The following IL1RAPL2 variants were observed in gnomAD, a reference collection of about 807,000 sequenced individuals.
The protein encoded by IL1RAPL2 is interleukin 1 receptor accessory protein like 2, also known as X-linked interleukin-1 receptor accessory protein-like 2.
A neutral mutation model predicts 44.1 loss-of-function variants in IL1RAPL2; 3 were observed. That is an observed-to-expected ratio of 0.07 (90% CI 0.03 to 0.18). The LOEUF (loss-of-function observed/expected upper bound fraction) is 0.18. IL1RAPL2 is among the 10% of genes least tolerant of loss of function. The pLI, the probability that IL1RAPL2 is intolerant of heterozygous loss-of-function variation, is 1.00. For missense variants in IL1RAPL2, 391 were observed against 496.4 expected (o/e 0.79, Z 2.02); for synonymous variants, 181 against 178.8 (o/e 1.01, Z -0.10).
chrX:104,821,402 C>A (rs769985411), intron 2 of IL1RAPL2, among the ~76,000 whole-genome samples: 11 of 110,786 alleles, frequency 9.9e-5, no homozygotes, highest in African/African-American at 3.6e-4. Context: ...CCTTGCCCCC[C>A]ACCTGTTGAC....
intron 2 of IL1RAPL2, among the ~76,000 whole-genome samples, chrX:104,673,220 T>C (rs1390738176): frequency 2.7e-5 from 3 of 111,947 alleles, no homozygotes; most frequent in Admixed American, 9.5e-5. Flanking sequence ...CTAGGGTTTT[T>C]ATGGTTTTAG....
chrX:105,446,667 A>G (rs1474559857), intron 5 of IL1RAPL2, among the ~76,000 whole-genome samples: 4 of 111,070 alleles, frequency 3.6e-5, no homozygotes, highest in Non-Finnish European at 5.7e-5. Context: ...CAAAGAAACC[A>G]GCATGCAGGA....
At chrX:105,721,391 G>A (rs907237219) in intron 7 of IL1RAPL2, among the ~76,000 whole-genome samples, 3 of 106,513 alleles carry the variant, frequency 2.8e-5, no homozygotes, top group East Asian at 6.0e-4. Flanking sequence ...ACTATAGCCC[G>A]GGTGACAAGA....
chrX:105,282,653 A>T (rs1019585005), intron 5 of IL1RAPL2, among the ~76,000 whole-genome samples: 13 of 111,682 alleles, frequency 1.2e-4, no homozygotes, highest in Admixed American at 1.1e-3. Context: ...ATGAATTTAC[A>T]TATTTTGTGT....
intron 5 of IL1RAPL2, among the ~76,000 whole-genome samples, chrX:105,312,136 C>T (rs1186033491): frequency 9.0e-6 from 1 of 111,026 alleles, no homozygotes; most frequent in African/African-American, 3.3e-5. Flanking sequence ...GAGTGTGAAA[C>T]AAAAGCAGTA....
intron 2 of IL1RAPL2, among the ~76,000 whole-genome samples, chrX:104,992,424 T>G (rs950276245): frequency 9.0e-6 from 1 of 111,522 alleles, no homozygotes; most frequent in African/African-American, 3.3e-5. Context: ...ACTCCTTATC[T>G]CTTCAGAATT....
chrX:104,876,287 G>A (rs2147655159), intron 2 of IL1RAPL2, among the ~76,000 whole-genome samples: 1 of 111,616 alleles, frequency 9.0e-6, no homozygotes, highest in African/African-American at 3.2e-5. Context: ...CATGGACCAT[G>A]CTTTGAGAAT....
At chrX:104,895,582 G>C (rs1348438135) in intron 2 of IL1RAPL2, among the ~76,000 whole-genome samples, 1 of 112,818 alleles carries the variant, frequency 8.9e-6, no homozygotes, top group Non-Finnish European at 1.9e-5. Context: ...GACCCTCTGA[G>C]CCAGGCATGG....
At chrX:105,178,570 T>C (rs967291010) in intron 2 of IL1RAPL2, among the ~76,000 whole-genome samples, 1 of 112,004 alleles carries the variant, frequency 8.9e-6, no homozygotes, top group Non-Finnish European at 1.9e-5. Flanking sequence ...TAAATTGCCA[T>C]ACTGTTTTCC....
At chrX:105,619,154 A>G (rs1264019888) in intron 6 of IL1RAPL2, among the ~76,000 whole-genome samples, 1 of 110,803 alleles carries the variant, frequency 9.0e-6, no homozygotes, top group African/African-American at 3.3e-5. Flanking sequence ...AGTAAATTTT[A>G]AAGAGTTGTC....
chrX:104,573,710 T>A (rs1162729977), intron 1 of IL1RAPL2, among the ~76,000 whole-genome samples: 1 of 112,518 alleles, frequency 8.9e-6, no homozygotes, highest in African/African-American at 3.2e-5. Context: ...CTATCACGTA[T>A]AACTTATATT....
rs551508116 is a variant in IL1RAPL2 at position 105,583,690 on chromosome X, T to C, written c.772+99303T>C. ...TATGTCTAGAGTTTTATGAATTACA[T>C]TTATCTTTTCAAAAATTTGTTTTAC... On this transcript the variant is annotated intron_variant, in intron 6 of 10. Coordinates refer to ENST00000372582, the MANE Select transcript of IL1RAPL2 (RefSeq NM_017416.2). 1.9e-4 allele frequency among the ~76,000 whole-genome samples: 21 copies of C among 112,071 alleles called. 2 individuals are homozygous for C. In the East Asian group the frequency reaches 5.3e-3, roughly 28 times the overall value.
intron 5 of IL1RAPL2, among the ~76,000 whole-genome samples, chrX:105,340,049 T>C (rs1433854709): frequency 8.9e-6 from 1 of 112,092 alleles, no homozygotes; most frequent in African/African-American, 3.2e-5. Context: ...TTCTATATGC[T>C]GATGACTCTC....
At chrX:105,179,053 C>T (rs969175693) in intron 2 of IL1RAPL2, among the ~76,000 whole-genome samples, 4 of 111,904 alleles carry the variant, frequency 3.6e-5, no homozygotes, top group African/African-American at 1.3e-4. Context: ...GAGGTCTTAG[C>T]CATAAATTCT....
intron 2 of IL1RAPL2, among the ~76,000 whole-genome samples, chrX:104,912,023 C>T (rs1190928935): frequency 8.9e-6 from 1 of 111,772 alleles, no homozygotes; most frequent in African/African-American, 3.2e-5. Context: ...CTCTGTATCC[C>T]ATTAACCTTC....
chrX:105,686,109 G>T (rs1180454331), intron 6 of IL1RAPL2, among the ~76,000 whole-genome samples: 1 of 110,914 alleles, frequency 9.0e-6, no homozygotes, highest in Non-Finnish European at 1.9e-5. Context: ...ATGACAAATT[G>T]TAAAGACCAT....
chrX:104,893,822 T>C (rs1242042707), intron 2 of IL1RAPL2, among the ~76,000 whole-genome samples: 1 of 111,818 alleles, frequency 8.9e-6, no homozygotes, highest in Non-Finnish European at 1.9e-5. Flanking sequence ...AATTTGATCC[T>C]GTCATTATGA....
chrX:104,852,064 G>A (rs1459196637), intron 2 of IL1RAPL2, among the ~76,000 whole-genome samples: 1 of 111,286 alleles, frequency 9.0e-6, no homozygotes, highest in Non-Finnish European at 1.9e-5. Context: ...GGAGAAAAAT[G>A]GAACACATCC....
rs146801200 is a variant in IL1RAPL2, at chrX:105,483,654, A to G, written c.698-659A>G. ...TTCTTTACCACCTATATATAGCCTTATAGCTCAAATGCTACATTCTATGTT... is the reference window on the plus strand; with the variant it reads ...TTCTTTACCACCTATATATAGCCTTGTAGCTCAAATGCTACATTCTATGTT... On this transcript the variant is annotated intron_variant, in intron 5 of 10. Coordinates refer to ENST00000372582, the MANE Select transcript of IL1RAPL2 (RefSeq NM_017416.2). 4.0e-3 allele frequency among the ~76,000 whole-genome samples: 451 copies of G among 111,384 alleles called. 12 individuals are homozygous for G. The highest frequency in any genetic ancestry group is 4.6e-3 in the Middle Eastern group (1 of 216).
Sources: gnomAD v4.1 joint callset for allele counts (sites outside exome capture counted in the v4.1 genomes callset) on GRCh38, gnomAD v4.1.1 for gene constraint, MANE v1.5 for transcripts, NCBI Gene and HGNC (gene_info 2026-07-23, HGNC 2026-07-21) for gene names.